NINJ2: variants seen among roughly 807,000 people sequenced by gnomAD.
NINJ2 encodes the protein ninjurin 2, also known as ninjurin-2.
NINJ2 carries 12 observed loss-of-function variants against 11.7 expected under a neutral mutation model. The observed-to-expected ratio is 1.02, with a 90% CI of 0.66 to 1.66. NINJ2 has a LOEUF of 1.66. Among genes scored for constraint, NINJ2 ranks in the 40% most tolerant of loss-of-function variants. NINJ2 has a pLI of 0.00. For synonymous variants in NINJ2, 93 were observed against 76.8 expected (o/e 1.21, Z -1.10); for missense variants, 187 against 181.8 (o/e 1.03, Z -0.16).
At position 573,023 on chromosome 12, in the gene NINJ2, ATT is replaced by A. The variant is rs1301909243; in HGVS notation, c.34-6847_34-6846del. ...AGGTGTGTGCCACCACACCCAGCTA[ATT>A]TTTTTTTTTTTTTTTTTTGAGACAG... On this transcript the variant is annotated intron_variant, in intron 1 of 3. Transcript: ENST00000305108. 9.9e-3 allele frequency among the ~76,000 whole-genome samples: 1,051 copies of A among 106,294 alleles called. 18 individuals are homozygous for A. The highest frequency in any genetic ancestry group is 0.036 in the African/African-American group (972 of 27,064). 69.7% of individuals were successfully genotyped at this position (106,294 alleles called of 152,430 possible).
Position 615,976 on chromosome 12 carries a change from T to C in NINJ2, c.33+47352A>G, listed in dbSNP as rs190986978. Reference sequence around the variant, plus strand: ...GCTAGAATATCATTCCAGGGGGTTTTAGCTAGGGTGAGGGGCTGCAGAAAG... The same window carrying C: ...GCTAGAATATCATTCCAGGGGGTTTCAGCTAGGGTGAGGGGCTGCAGAAAG... On this transcript the variant is annotated intron_variant, in intron 1 of 3. Transcript: ENST00000305108. Among the ~76,000 whole-genome samples the C allele has an allele frequency of 1.2e-4, 19 of 152,340 alleles. No individual in the cohort carries two copies. The East Asian group carries it at 3.7e-3, about 29-fold the overall frequency.
At chr12:577,229 G>C (rs930686854) in intron 1 of NINJ2, among the ~76,000 whole-genome samples, 1 of 151,688 alleles carries the variant, frequency 6.6e-6, no homozygotes, top group Non-Finnish European at 1.5e-5. Context: ...AGTAGGCTTT[G>C]TGTTAGATGA....
At position 580,767 on chromosome 12, in the gene NINJ2, T is replaced by C. The variant is rs904231983; in HGVS notation, c.34-14589A>G. Among the ~76,000 whole-genome samples, 3 of 152,078 alleles carry C rather than the reference T, an allele frequency of 2.0e-5. No homozygotes were observed. The highest frequency in any genetic ancestry group is 7.2e-5 in the African/African-American group (3 of 41,406). On this transcript the variant is annotated intron_variant, in intron 1 of 3. Coordinates refer to ENST00000305108, the MANE Select transcript of NINJ2 (RefSeq NM_016533.6). The surrounding 1 kb of genome is among the most constrained non-coding windows in gnomAD (Gnocchi z 4.7). Reference sequence around the variant, plus strand: ...CGACTGCGCTGCTGACTCCCCTCCATATGCCACGGCAGCCACAATGTGTTT... The same window carrying C: ...CGACTGCGCTGCTGACTCCCCTCCACATGCCACGGCAGCCACAATGTGTTT...
At chr12:608,749 A>C (rs1947973383) in intron 1 of NINJ2, among the ~76,000 whole-genome samples, 1 of 152,170 alleles carries the variant, frequency 6.6e-6, no homozygotes. Flanking sequence ...GCAAGAGCTG[A>C]GGTGTCAGAG....
At chr12:635,591 C>A (rs1056779397) in intron 1 of NINJ2, among the ~76,000 whole-genome samples, 1 of 152,102 alleles carries the variant, frequency 6.6e-6, no homozygotes, top group Admixed American at 6.5e-5. Context: ...TCAAAATGAA[C>A]CAAAGACCTA....
At chr12:570,199 A>C (rs2535413) in intron 1 of NINJ2, among the ~76,000 whole-genome samples, 100,974 of 151,618 alleles carry the variant, frequency 0.67, 34,224 homozygotes, top group African/African-American at 0.75. Context: ...CACAACCTGC[A>C]GCCGAGGGGA....
At chr12:590,410 G>A (rs1418350573) in intron 1 of NINJ2, among the ~76,000 whole-genome samples, 1 of 152,240 alleles carries the variant, frequency 6.6e-6, no homozygotes, top group Non-Finnish European at 1.5e-5. Flanking sequence ...GGGAAAGGGA[G>A]GGGTGGAAGA....
chr12:656,769 G>T (rs1016854648), intron 1 of NINJ2, among the ~76,000 whole-genome samples: 1 of 151,308 alleles, frequency 6.6e-6, no homozygotes, highest in Non-Finnish European at 1.5e-5. Flanking sequence ...AAAAATTACT[G>T]TAAAGCTACA....
intron 1 of NINJ2, among the ~76,000 whole-genome samples, chr12:588,683 A>G (rs917906653): frequency 6.6e-6 from 1 of 152,196 alleles, no homozygotes; most frequent in Admixed American, 6.5e-5. Context: ...ACAAAGAGAA[A>G]CGGGGGGAAC....
rs1029358891 is a variant in NINJ2 at position 628,144 on chromosome 12, G to A, written c.33+35184C>T. On this transcript the variant is annotated intron_variant, in intron 1 of 3. Transcript: ENST00000305108. This position sits in a 1 kb window ranked among gnomAD's most constrained non-coding sequence, Gnocchi z 4.4. ...CCAGAGCCTGCAGGATCCCTGCACC[G>A]CTTTACTGGATCCCCAGGTTGAGCT... 1.3e-5 allele frequency among the ~76,000 whole-genome samples: 2 copies of A among 152,198 alleles called. No individual in the cohort carries two copies. Among genetic ancestry groups the A allele is most frequent in the African/African-American group, 4.8e-5 (2 of 41,470 alleles).
At position 624,549 on chromosome 12, in the gene NINJ2, T is replaced by C. The variant is rs112699277; in HGVS notation, c.33+38779A>G. Among the ~76,000 whole-genome samples, 548 of 152,116 alleles carry C rather than the reference T, an allele frequency of 3.6e-3. 4 individuals carry two copies. The highest frequency in any genetic ancestry group is 0.012 in the African/African-American group (517 of 41,492). ...TATGGCCGGGCACAGTGGCTCACAC[T>C]TGTAATCCCAGCACTTTGGGAAGCA... is the stretch of plus-strand genomic sequence containing the variant. On this transcript the variant is annotated intron_variant, in intron 1 of 3. Coordinates refer to ENST00000305108, the MANE Select transcript of NINJ2 (RefSeq NM_016533.6).
chr12:622,295 A>G (rs1192390423), intron 1 of NINJ2, among the ~76,000 whole-genome samples: 1 of 149,770 alleles, frequency 6.7e-6, no homozygotes, highest in Non-Finnish European at 1.5e-5. Flanking sequence ...CTGTAGTCCC[A>G]GCTACTCAGG....
chr12:663,392 G>A lies in NINJ2; in HGVS notation c.-32C>T, dbSNP rs747050059. 2.2e-5 allele frequency: 35 copies of A among 1,613,968 alleles called. No homozygotes were observed. The highest frequency in any genetic ancestry group is 2.6e-5 in the Non-Finnish European group (31 of 1,180,010). ...GCCCTCAAGTCCCTTCACACGCACC[G>A]GGTGCCGGGAACAGACTGCGTGGGC... On this transcript the variant is annotated 5_prime_UTR_variant, in exon 1 of 4. Transcript: ENST00000305108.
At chr12:618,381 G>C (rs1371540407) in intron 1 of NINJ2, among the ~76,000 whole-genome samples, 2 of 150,558 alleles carry the variant, frequency 1.3e-5, no homozygotes, top group African/African-American at 4.9e-5. Flanking sequence ...TGGGGGTGAG[G>C]GGGGAGTGTT....
intron 1 of NINJ2, chr12:644,960 A>G (rs1203691454): frequency 1.3e-5 from 2 of 152,088 alleles, no homozygotes; most frequent in Non-Finnish European, 2.9e-5. Context: ...AGTGAGGAGA[A>G]TGGATTGGAG....
chr12:632,377 A>G (rs548965836), intron 1 of NINJ2: 1 of 152,220 alleles, frequency 6.6e-6, no homozygotes, highest in African/African-American at 2.4e-5. Flanking sequence ...GTGTTTGGGC[A>G]GGGAAGGGAG....
chr12:622,434 A>AAT (rs1206701601), intron 1 of NINJ2, among the ~76,000 whole-genome samples: 2,525 of 144,230 alleles, frequency 0.018, 88 homozygotes, highest in African/African-American at 0.059. Flanking sequence ...AAAAAAAAAA[A>AAT]GGAAAGAAAG....
intron 1 of NINJ2, among the ~76,000 whole-genome samples, chr12:638,528 G>C (rs958608010): frequency 6.6e-6 from 1 of 152,190 alleles, no homozygotes; most frequent in African/African-American, 2.4e-5. Context: ...CCATTCTCCT[G>C]CCTCAGCCTC....
At chr12:602,156 G>A (rs901854338) in intron 1 of NINJ2, among the ~76,000 whole-genome samples, 3 of 152,190 alleles carry the variant, frequency 2.0e-5, no homozygotes, top group South Asian at 2.1e-4. Context: ...ACTGCAGACT[G>A]AGCCATAATC....
Sources: gnomAD v4.1 joint callset for allele counts (sites outside exome capture counted in the v4.1 genomes callset) on GRCh38, gnomAD v4.1.1 for gene constraint, Gnocchi (gnomAD v3.1) non-coding constraint, MANE v1.5 for transcripts, NCBI Gene and HGNC (gene_info 2026-07-23, HGNC 2026-07-21) for gene names.